Variants in H3C4 observed in about 807,000 individuals in gnomAD.
H3C4 encodes the protein H3 clustered histone 4.
In H3C4, 10 loss-of-function variants were observed where a neutral mutation model predicts 8.7. The ratio of observed to expected loss-of-function variants is 1.15; its 90% confidence interval spans 0.71 to 1.96. H3C4 has a LOEUF of 1.96. Ranked by LOEUF, H3C4 falls within the 30% of genes most tolerant of loss-of-function variation. H3C4 has a pLI of 0.00. For missense variants in H3C4, 216 were observed against 192.9 expected, an observed-to-expected ratio of 1.12 and a Z score of -0.71; for synonymous variants, 141 against 80.1, an observed-to-expected ratio of 1.76 and a Z score of -4.06.
chr6:26,198,261 C>A (rs1292638004), upstream of H3C4, among the ~76,000 whole-genome samples: 1 of 149,494 alleles, frequency 6.7e-6, no homozygotes, highest in Non-Finnish European at 1.5e-5. Flanking sequence ...GCAATCCTAA[C>A]GAGCCGCTGC....
chr6:26,197,759 G>A (rs2113857686), upstream of H3C4, among the ~76,000 whole-genome samples: 1 of 151,602 alleles, frequency 6.6e-6, no homozygotes, highest in South Asian at 2.1e-4. Flanking sequence ...TAACTCATAA[G>A]TAACAATATG....
upstream of H3C4, chr6:26,199,169 C>G: frequency 6.2e-7 from 1 of 1,614,186 alleles, no homozygotes; most frequent in Non-Finnish European, 8.5e-7. Flanking sequence ...CCACAGGGAA[C>G]TGGAGTCCGG....
chr6:26,197,006 T>A lies in H3C4; in HGVS notation c.245A>T (p.Asp82Val). 1.9e-6 allele frequency: 3 copies of A among 1,614,208 alleles called. No individual in the cohort carries two copies. The highest frequency in any genetic ancestry group is 2.5e-6 in the Non-Finnish European group (3 of 1,180,044). Residue 82 changes from aspartate to valine, a missense_variant, in exon 1 of 1, where the codon GAT (aspartate) becomes GTT (valine). Asp to Val is a radical substitution (Grantham distance 152, BLOSUM62 -3). Transcript: ENST00000356476. ...VREIAQDFKT[D>V]LRFQSSAVMA... ...CACCGCCGAGCTCTGAAAACGCAGA[T>A]CAGTCTTGAAGTCCTGCGCGATCTC...
upstream of H3C4, chr6:26,199,085 C>A (rs748090291): frequency 2.4e-5 from 38 of 1,614,038 alleles, no homozygotes; most frequent in Non-Finnish European, 3.1e-5. Flanking sequence ...CCAACACCGC[C>A]GCCAGATACA....
upstream of H3C4, among the ~76,000 whole-genome samples, chr6:26,198,639 TTATG>T (rs1408146185): frequency 6.6e-6 from 1 of 152,208 alleles, no homozygotes. Context: ...GCCAATTTGC[TTATG>T]TATTTTTATG....
upstream of H3C4, chr6:26,199,011 C>G: frequency 3.1e-6 from 5 of 1,614,142 alleles, no homozygotes; most frequent in Non-Finnish European, 4.2e-6. Flanking sequence ...GGGGATGATG[C>G]GGGTCTTCTT....
upstream of H3C4, chr6:26,199,001 G>C (rs139543312): frequency 6.2e-7 from 1 of 1,614,180 alleles, no homozygotes; most frequent in Non-Finnish European, 8.5e-7. Context: ...GCAGGTGTCG[G>C]GGGATGATGC....
At chr6:26,198,564 C>A (rs542395874), upstream of H3C4, among the ~76,000 whole-genome samples, 3 of 152,208 alleles carry the variant, frequency 2.0e-5, no homozygotes, top group Non-Finnish European at 2.9e-5. Flanking sequence ...GAACTCCTGA[C>A]CCTGTGATCC....
upstream of H3C4, chr6:26,198,847 C>A: frequency 6.2e-7 from 1 of 1,611,296 alleles, no homozygotes; most frequent in Non-Finnish European, 8.5e-7. Flanking sequence ...TAAGAGTTCT[C>A]GTTTTACTTG....
Position 26,197,261 on chromosome 6 carries a change from T to C in H3C4, c.-11A>G, listed in dbSNP as rs1340968055. 1 of 1,599,960 alleles carries C rather than the reference T, an allele frequency of 6.3e-7. No homozygotes were observed. The highest frequency in any genetic ancestry group is 1.4e-5 in the African/African-American group (1 of 73,674). On this transcript the variant is annotated 5_prime_UTR_variant, in exon 1 of 1. Coordinates refer to ENST00000356476, the MANE Select transcript of H3C4 (RefSeq NM_001376937.1). ...CTTGGTACGAGCCATTGCGAACTTCTAAACCCTGCTAAATGACGAAAAAAC... is the reference window on the plus strand; with the variant it reads ...CTTGGTACGAGCCATTGCGAACTTCCAAACCCTGCTAAATGACGAAAAAAC...
upstream of H3C4, among the ~76,000 whole-genome samples, chr6:26,197,964 TAAG>T (rs942839071): frequency 5.9e-5 from 9 of 151,560 alleles, no homozygotes; most frequent in Admixed American, 2.6e-4. Context: ...AACACTGTGC[TAAG>T]AAGCTCCACC....
chr6:26,197,880 G>GT, upstream of H3C4, among the ~76,000 whole-genome samples: 2 of 79,454 alleles, frequency 2.5e-5, no homozygotes, highest in Admixed American at 2.6e-4. Flanking sequence ...GTAATCTGCT[G>GT]TAAAAAAAAA....
In H3C4 at chr6:26,197,215, C is replaced by T. The variant is rs1764993464; in HGVS notation, c.36G>A (p.Thr12=). The T allele has an allele frequency of 2.5e-6, 4 of 1,613,830 alleles. No homozygotes were observed. Among genetic ancestry groups the T allele is most frequent in the Non-Finnish European group, 3.4e-6 (4 of 1,179,932 alleles). The stretch of plus-strand genomic sequence containing the variant: ...GCTGCTTGCGTGGCGCTTTCCCACC[C>T]GTGGACTTGCGAGCAGTCTGCTTGG... ...ARTKQTARKS[T]GGKAPRKQLA... The change falls in exon 1 of 1, where the codon ACG becomes ACA. Residue 12 remains threonine, a synonymous_variant. Transcript: ENST00000356476.
upstream of H3C4, among the ~76,000 whole-genome samples, chr6:26,198,436 T>C (rs746492761): frequency 4.6e-5 from 7 of 152,102 alleles, no homozygotes; most frequent in East Asian, 1.9e-4. Flanking sequence ...GGTTCAACAT[T>C]TTCTCCTGCC....
upstream of H3C4, among the ~76,000 whole-genome samples, chr6:26,197,572 A>C (rs973805029): frequency 1.3e-5 from 2 of 151,916 alleles, no homozygotes; most frequent in African/African-American, 4.8e-5. Flanking sequence ...TTTTTTTTTA[A>C]ATGTTGGCGC....
upstream of H3C4, chr6:26,197,354 C>T: frequency 8.2e-7 from 1 of 1,223,980 alleles, no homozygotes; most frequent in Non-Finnish European, 1.2e-6. Flanking sequence ...GGCAGCCTTT[C>T]CCCTGCAGCT....
upstream of H3C4, among the ~76,000 whole-genome samples, chr6:26,198,124 T>C (rs1192969140): frequency 6.6e-6 from 1 of 152,190 alleles, no homozygotes; most frequent in African/African-American, 2.4e-5. Context: ...TTAAGATGCA[T>C]ACAAAAGACA....
At chr6:26,199,031 G>A, upstream of H3C4, 1 of 1,614,148 alleles carries the variant, frequency 6.2e-7, no homozygotes, top group Non-Finnish European at 8.5e-7. Context: ...TGTTGTCGCG[G>A]GCGGCGTTGC....
rs368921187 is a variant in H3C4 at position 26,197,275 on chromosome 6, T to C, written c.-25A>G. On this transcript the variant is annotated 5_prime_UTR_variant, in exon 1 of 1. Transcript: ENST00000356476. ...TTGCGAACTTCTAAACCCTGCTAAATGACGAAAAAACGAAAGTCTAGCCTT... is the reference window on the plus strand; with the variant it reads ...TTGCGAACTTCTAAACCCTGCTAAACGACGAAAAAACGAAAGTCTAGCCTT... The C allele has an allele frequency of 6.3e-7, 1 of 1,589,758 alleles. No homozygotes were observed. Among genetic ancestry groups the C allele is most frequent in the Admixed American group, 2.0e-5 (1 of 50,834 alleles).
Sources: allele counts gnomAD v4.1 joint callset (sites outside exome capture counted in the v4.1 genomes callset), GRCh38; gene constraint gnomAD v4.1.1; transcripts MANE v1.5; gene names NCBI Gene and HGNC (gene_info 2026-07-23, HGNC 2026-07-21).